AKNAD1: variants seen among roughly 807,000 people sequenced by gnomAD.
The protein encoded by AKNAD1 is AKNA domain containing 1.
Under a neutral mutation model 90.8 loss-of-function variants are expected in AKNAD1, and 67 were observed. That is an observed-to-expected ratio of 0.74 (90% CI 0.61 to 0.90). AKNAD1 has a LOEUF of 0.90. AKNAD1 is among the 40% of genes least tolerant of loss of function. AKNAD1 has a pLI of 0.00. For synonymous variants in AKNAD1, 327 were observed against 341.4 expected, an observed-to-expected ratio of 0.96 and a Z score of 0.46; for missense variants, 957 against 975.4, an observed-to-expected ratio of 0.98 and a Z score of 0.25.
At chr1:108,846,540 T>C (rs1023833985) in intron 5 of AKNAD1, among the ~76,000 whole-genome samples, 1 of 152,166 alleles carries the variant, frequency 6.6e-6, no homozygotes, top group Non-Finnish European at 1.5e-5. Context: ...AACATCTTGA[T>C]TGCCAAATCC....
chr1:108,845,293 G>C (rs1217369792), intron 5 of AKNAD1, among the ~76,000 whole-genome samples: 2 of 152,154 alleles, frequency 1.3e-5, no homozygotes, highest in Non-Finnish European at 2.9e-5. Context: ...CCTGGCTTTG[G>C]TTGGTTTTAG....
At chr1:108,857,444 C>G (rs1665081113), upstream of AKNAD1, 1 of 152,898 alleles carries the variant, frequency 6.5e-6, no homozygotes, top group South Asian at 2.1e-4. Context: ...GATGGGAAAA[C>G]CAAAACTCCT....
At chr1:108,836,433 C>T (rs1164946533) in intron 7 of AKNAD1, among the ~76,000 whole-genome samples, 12 of 136,340 alleles carry the variant, frequency 8.8e-5, no homozygotes, top group Admixed American at 8.5e-4. Flanking sequence ...CCCAGTGCTG[C>T]GGGGACACAG....
In AKNAD1 at chr1:108,852,524, AATTTG is replaced by A; in HGVS notation, c.136_140del (p.Gln46TyrfsTer6). ...CTTGAGGGTCATCTGCTATGAAAAT[AATTTG>A]ATTTAAGACTTCAAGGCCATCCTTT... On this transcript the variant is annotated frameshift_variant, in exon 2 of 16. Coordinates refer to ENST00000370001, the MANE Select transcript of AKNAD1 (RefSeq NM_152763.5). LOFTEE classifies it high-confidence loss of function. 4 of 1,614,194 alleles carry A rather than the reference AATTTG, an allele frequency of 2.5e-6. No individual in the cohort carries two copies. Among genetic ancestry groups the A allele is most frequent in the South Asian group, 1.1e-5 (1 of 91,076 alleles).
intron 1 of AKNAD1, among the ~76,000 whole-genome samples, chr1:108,853,286 C>T (rs1306303373): frequency 2.0e-5 from 3 of 152,018 alleles, no homozygotes; most frequent in East Asian, 3.9e-4. Flanking sequence ...TGCCCGCCAC[C>T]ACGCCCAGCT....
In AKNAD1 at chr1:108,843,128, T is replaced by C. The variant is rs10857973; in HGVS notation, c.1379+6A>G. 8,896 of 1,613,876 alleles carry C rather than the reference T, an allele frequency of 5.5e-3. 145 individuals are homozygous for C. Among genetic ancestry groups the C allele is most frequent in the African/African-American group, 0.042 (3,185 of 75,020 alleles). On this transcript the variant is annotated splice_donor_region_variant and intron_variant, in intron 6 of 15. Transcript: ENST00000370001. ...TTCCACCTTACACAGTTGGTTTAAATCTGACCTTTCTGGATCAAAGTCACC... is the reference window on the plus strand; with the variant it reads ...TTCCACCTTACACAGTTGGTTTAAACCTGACCTTTCTGGATCAAAGTCACC...
intron 13 of AKNAD1, 112 bp downstream of exon 13, chr1:108,823,258 T>G (rs1348619913): frequency 3.0e-5 from 26 of 876,152 alleles, no homozygotes; most frequent in Non-Finnish European, 5.0e-5. Flanking sequence ...GGCAGCAAAA[T>G]GGAGAGGCCA....
chr1:108,856,744 A>AC (rs1161018360), intron 1 of AKNAD1, among the ~76,000 whole-genome samples, 185 bp downstream of exon 1: 2,994 of 151,878 alleles, frequency 0.02, 115 homozygotes, highest in African/African-American at 0.067. Flanking sequence ...ACACACACAC[A>AC]AACACACACA....
At chr1:108,827,922 T>C (rs553599325) in intron 10 of AKNAD1, among the ~76,000 whole-genome samples, 9 of 151,496 alleles carry the variant, frequency 5.9e-5, no homozygotes, top group East Asian at 2.0e-4. Context: ...ATTTGAAGTA[T>C]GGAATTATAA....
intron 6 of AKNAD1, 49 bp downstream of exon 6, chr1:108,843,085 G>A: frequency 6.3e-7 from 1 of 1,596,616 alleles, no homozygotes; most frequent in Non-Finnish European, 8.5e-7. Context: ...CCCACCTGAA[G>A]GAGATCACCT....
intron 11 of AKNAD1, among the ~76,000 whole-genome samples, chr1:108,825,258 G>A (rs186819394): frequency 6.6e-6 from 1 of 151,818 alleles, no homozygotes; most frequent in East Asian, 2.0e-4. Context: ...CTGACCCACA[G>A]AAACTCTAAG....
chr1:108,833,628 T>C (rs1466604111), intron 9 of AKNAD1, among the ~76,000 whole-genome samples: 4 of 152,114 alleles, frequency 2.6e-5, no homozygotes, highest in African/African-American at 9.7e-5. Context: ...AGTTTCTTCT[T>C]TATACTTTTC....
intron 9 of AKNAD1, among the ~76,000 whole-genome samples, chr1:108,832,893 C>A (rs1433116910): frequency 6.6e-6 from 1 of 152,170 alleles, no homozygotes; most frequent in Non-Finnish European, 1.5e-5. Context: ...AGCCTATAAA[C>A]CCCCATGGAC....
In AKNAD1 at chr1:108,852,671, G is replaced by GCAGC; in HGVS notation, c.-11_-8dup. The GCAGC allele has an allele frequency of 1.3e-6, 2 of 1,556,318 alleles. No homozygotes were observed. Among genetic ancestry groups the GCAGC allele is most frequent in the Non-Finnish European group, 1.7e-6 (2 of 1,155,198 alleles). Reference sequence around the variant, plus strand: ...AAAAATCAGCCTCATCCATGTGTGTGCAGCCCGATCGCTCTCGTCCTCTGC... The same window carrying GCAGC: ...AAAAATCAGCCTCATCCATGTGTGTGCAGCCAGCCCGATCGCTCTCGTCCTCTGC... On this transcript the variant is annotated 5_prime_UTR_variant, in exon 2 of 16. Transcript: ENST00000370001.
At chr1:108,822,452 A>T (rs971813981) in intron 13 of AKNAD1, among the ~76,000 whole-genome samples, 2 of 152,228 alleles carry the variant, frequency 1.3e-5, no homozygotes, top group Non-Finnish European at 2.9e-5. Context: ...GAGATAGTGA[A>T]GAAATCTGTC....
chr1:108,834,621 C>T, intron 8 of AKNAD1, 93 bp from the exon 9 acceptor site: 4 of 1,306,754 alleles, frequency 3.1e-6, no homozygotes, highest in Middle Eastern at 1.8e-4. Context: ...GGCATCACCC[C>T]TGGGATGGTG....
intron 10 of AKNAD1, among the ~76,000 whole-genome samples, chr1:108,827,722 G>A (rs1302240612): frequency 6.7e-6 from 1 of 149,884 alleles, no homozygotes; most frequent in East Asian, 2.0e-4. Context: ...GCTGAGGCAG[G>A]AGAATGGCGG....
At chr1:108,822,832 GTTTC>G (rs1468069189) in intron 13 of AKNAD1, among the ~76,000 whole-genome samples, 1 of 152,074 alleles carries the variant, frequency 6.6e-6, no homozygotes, top group African/African-American at 2.4e-5. Flanking sequence ...TTGGGTATGA[GTTTC>G]TTTCTTTCAA....
intron 5 of AKNAD1, among the ~76,000 whole-genome samples, chr1:108,846,662 C>CTCTTCACT (rs1664710275): frequency 1.3e-5 from 2 of 151,988 alleles, no homozygotes; most frequent in South Asian, 4.1e-4. Flanking sequence ...CTCCTGGGCC[C>CTCTTCACT]TCTTCACTTC....
Sources: gnomAD v4.1 joint callset for allele counts (sites outside exome capture counted in the v4.1 genomes callset) on GRCh38, gnomAD v4.1.1 for gene constraint, MANE v1.5 for transcripts, NCBI Gene and HGNC (gene_info 2026-07-23, HGNC 2026-07-21) for gene names.